The following AFF2 variants were observed in gnomAD, a reference collection of about 807,000 sequenced individuals.
AFF2 encodes ALF transcription elongation factor 2.
AFF2 carries 14 observed loss-of-function variants against 76.9 expected under a neutral mutation model. The ratio of observed to expected loss-of-function variants is 0.18; its 90% CI spans 0.12 to 0.28. The LOEUF is 0.28. Among genes scored for constraint, AFF2 ranks in the 10% least tolerant of loss-of-function variants. The pLI, the probability that AFF2 is intolerant of heterozygous loss-of-function variation, is 1.00. For missense variants in AFF2, 868 were observed against 1,001.1 expected (o/e 0.87, Z 1.79); for synonymous variants, 398 against 366.7 (o/e 1.09, Z -0.98).
At chrX:148,799,604 A>C (rs139319104) in intron 3 of AFF2, among the ~76,000 whole-genome samples, 1 of 112,432 alleles carries the variant, frequency 8.9e-6, no homozygotes, top group East Asian at 2.8e-4. Flanking sequence ...CAGGCAAATT[A>C]ATTGGTTTTA....
At chrX:148,752,457 G>GT in intron 3 of AFF2, among the ~76,000 whole-genome samples, 1 of 111,615 alleles carries the variant, frequency 9.0e-6, no homozygotes, top group East Asian at 2.8e-4. Flanking sequence ...CAAACAACTT[G>GT]TTAATAATCC....
intron 1 of AFF2, among the ~76,000 whole-genome samples, chrX:148,503,175 C>T (rs1313524033): frequency 2.7e-5 from 3 of 112,290 alleles, no homozygotes; most frequent in East Asian, 5.6e-4. Context: ...TGGCACACTT[C>T]GTGATGCATC....
At chrX:148,878,009 C>A (rs943963160) in intron 7 of AFF2, among the ~76,000 whole-genome samples, 5 of 111,489 alleles carry the variant, frequency 4.5e-5, no homozygotes, top group African/African-American at 1.6e-4. Context: ...ATCTAATCTG[C>A]TGTAGTTGCT....
intron 9 of AFF2, among the ~76,000 whole-genome samples, chrX:148,924,633 A>G (rs184209663): frequency 4.5e-5 from 5 of 112,171 alleles, no homozygotes; most frequent in Admixed American, 3.8e-4. Context: ...ACACCTGCCT[A>G]TAGGGGCATT....
rs782422249 is a variant in AFF2 at position 148,614,090 on chromosome X, TA to T, written c.48-37908del. ...CTCATTAACAACTTAATGGAGAGGC[TA>T]GGGGGACCATCAGAGATGGAGAGCT... On this transcript the variant is annotated intron_variant, in intron 1 of 20. Transcript: ENST00000370460. Among the ~76,000 whole-genome samples, 695 of 111,990 alleles carry T rather than the reference TA, an allele frequency of 6.2e-3. 4 individuals carry two copies. Among genetic ancestry groups the T allele is most frequent in the Non-Finnish European group, 0.01 (556 of 53,023 alleles).
At chrX:148,559,348 T>C (rs1204593092) in intron 1 of AFF2, among the ~76,000 whole-genome samples, 4 of 111,111 alleles carry the variant, frequency 3.6e-5, no homozygotes, top group Non-Finnish European at 7.5e-5. Context: ...GGTATACATG[T>C]GCCATGGTGG....
chrX:148,856,769 A>G (rs1455956709), intron 7 of AFF2, among the ~76,000 whole-genome samples: 18 of 112,810 alleles, frequency 1.6e-4, no homozygotes, highest in Non-Finnish European at 1.9e-5. Context: ...TGAAATATAT[A>G]ACAAGCATGT....
chrX:148,939,268 A>T, intron 9 of AFF2, among the ~76,000 whole-genome samples: 1 of 112,185 alleles, frequency 8.9e-6, no homozygotes. Flanking sequence ...TCATTGTTGT[A>T]CCAAGCCACT....
intron 4 of AFF2, among the ~76,000 whole-genome samples, chrX:148,827,953 G>A (rs2070408261): frequency 9.0e-6 from 1 of 111,711 alleles, no homozygotes; most frequent in South Asian, 3.7e-4. Flanking sequence ...GGAGCAAATT[G>A]GAAGGTAACC....
chrX:148,821,630 A>G (rs1221702541), intron 4 of AFF2, among the ~76,000 whole-genome samples: 1 of 110,733 alleles, frequency 9.0e-6, no homozygotes, highest in Non-Finnish European at 1.9e-5. Context: ...GTGACCTCCT[A>G]TCTACACCAT....
At chrX:148,979,813 A>T (rs1267421828) in intron 18 of AFF2, among the ~76,000 whole-genome samples, 1 of 112,505 alleles carries the variant, frequency 8.9e-6, no homozygotes, top group East Asian at 2.8e-4. Flanking sequence ...GGGTCTACAA[A>T]GCTCCAGAGA....
intron 3 of AFF2, among the ~76,000 whole-genome samples, chrX:148,717,478 G>T (rs1267927376): frequency 2.7e-5 from 3 of 112,161 alleles, no homozygotes; most frequent in Admixed American, 9.5e-5. Flanking sequence ...GAATCAGACA[G>T]TGGTGATGTT....
At chrX:148,838,728 A>G (rs1206894460) in intron 5 of AFF2, among the ~76,000 whole-genome samples, 1 of 111,885 alleles carries the variant, frequency 8.9e-6, no homozygotes, top group East Asian at 2.8e-4. Flanking sequence ...AAACCTGGGC[A>G]AATAGGTGCA....
intron 3 of AFF2, among the ~76,000 whole-genome samples, chrX:148,737,732 C>G (rs951243235): frequency 1.8e-5 from 2 of 111,536 alleles, no homozygotes; most frequent in Non-Finnish European, 3.8e-5. Context: ...TTTCCCCATT[C>G]AGTATTATGT....
chrX:148,597,580 T>C (rs1456295306), intron 1 of AFF2, among the ~76,000 whole-genome samples: 1 of 112,507 alleles, frequency 8.9e-6, no homozygotes, highest in Non-Finnish European at 1.9e-5. Flanking sequence ...TATATGTAGT[T>C]ATTTGATCCA....
intron 3 of AFF2, among the ~76,000 whole-genome samples, chrX:148,722,744 A>G (rs1172484556): frequency 2.7e-5 from 3 of 110,930 alleles, no homozygotes; most frequent in African/African-American, 9.8e-5. Flanking sequence ...TAATATGCCT[A>G]CTCCCTCAAT....
chrX:148,930,118 A>G (rs1361026887), intron 9 of AFF2, among the ~76,000 whole-genome samples: 1 of 111,943 alleles, frequency 8.9e-6, no homozygotes, highest in Non-Finnish European at 1.9e-5. Flanking sequence ...TGGCTCCCTC[A>G]CAAGGTCACT....
chrX:148,747,311 A>G (rs969263056), intron 3 of AFF2, among the ~76,000 whole-genome samples: 1 of 111,655 alleles, frequency 9.0e-6, no homozygotes, highest in Non-Finnish European at 1.9e-5. Flanking sequence ...AAAGTTCAAC[A>G]TGGTGCCTGG....
chrX:148,618,929 C>A (rs1185298661), intron 1 of AFF2, among the ~76,000 whole-genome samples: 1 of 111,079 alleles, frequency 9.0e-6, no homozygotes, highest in Non-Finnish European at 1.9e-5. Flanking sequence ...CTGATAACCA[C>A]CAGAAGGAAA....
Sources: gnomAD v4.1 joint callset for allele counts (sites outside exome capture counted in the v4.1 genomes callset) on GRCh38, gnomAD v4.1.1 for gene constraint, MANE v1.5 for transcripts, NCBI Gene and HGNC (gene_info 2026-07-23, HGNC 2026-07-21) for gene names.